The following PCSK4 variants were observed in gnomAD, a reference collection of about 807,000 sequenced individuals.
PCSK4 encodes the protein testicular tissue protein Li 135.
In PCSK4, 64 loss-of-function variants were observed where a neutral mutation model predicts 80.3. That is an observed-to-expected ratio of 0.80 (90% confidence interval 0.65 to 0.98). PCSK4 has a LOEUF of 0.98. PCSK4 is among the 50% of genes least tolerant of loss of function. PCSK4 has a pLI of 0.00. For missense variants in PCSK4, 1,213 were observed against 1,093.6 expected (o/e 1.11, Z -1.54); for synonymous variants, 561 against 487.6 (o/e 1.15, Z -1.98).
At chr19:1,483,969 G>C in intron 9 of PCSK4, 28 bp from the exon 10 acceptor site, 1 of 1,430,362 alleles carries the variant, frequency 7.0e-7, no homozygotes, top group Non-Finnish European at 9.2e-7. Flanking sequence ...GGGGGCGGGT[G>C]AGCCGCCGGG....
intron 13 of PCSK4, 120 bp from the exon 14 acceptor site, chr19:1,482,595 T>G: frequency 1.6e-6 from 2 of 1,251,294 alleles, no homozygotes; most frequent in South Asian, 2.9e-5. Context: ...GGTTCACATC[T>G]CTCAGGGAAT....
intron 8 of PCSK4, 151 bp downstream of exon 8, chr19:1,486,702 G>A (rs2084635003): frequency 1.5e-6 from 1 of 671,050 alleles, no homozygotes; most frequent in African/African-American, 1.8e-5. Flanking sequence ...AAAGTGCTGG[G>A]ATTACAGGTG....
At chr19:1,484,803 ACTC>A (rs1310319466) in intron 8 of PCSK4, among the ~76,000 whole-genome samples, 2 of 151,864 alleles carry the variant, frequency 1.3e-5, no homozygotes, top group Non-Finnish European at 2.9e-5. Flanking sequence ...ACATGGCAAG[ACTC>A]CATCTCAAAA....
In PCSK4 at chr19:1,487,864, G is replaced by A; in HGVS notation, c.517-3C>T. On this transcript the variant is annotated splice_region_variant and splice_polypyrimidine_tract_variant and intron_variant, in intron 4 of 14. Transcript: ENST00000300954. ...AAGTCATAGCTGGCCAGGGGGTCCTGGGGGCAGGTGGGGATATGAGGGGGC... is the reference window on the plus strand; with the variant it reads ...AAGTCATAGCTGGCCAGGGGGTCCTAGGGGCAGGTGGGGATATGAGGGGGC... 6.5e-7 allele frequency: 1 copy of A among 1,542,674 alleles called. No homozygotes were observed. The highest frequency in any genetic ancestry group is 8.8e-7 in the Non-Finnish European group (1 of 1,138,322).
intron 8 of PCSK4, among the ~76,000 whole-genome samples, chr19:1,484,492 TA>T (rs112354021): frequency 1.8e-3 from 231 of 125,210 alleles, no homozygotes; most frequent in Middle Eastern, 5.9e-3. Context: ...GACTCTGGAT[TA>T]AAAAAAAAAA....
exon 6 of PCSK4, chr19:1,487,625 G>T: frequency 6.4e-7 from 1 of 1,552,850 alleles, no homozygotes; most frequent in East Asian, 2.4e-5. Flanking sequence ...CGTTGAAAGC[G>T]ACCCCCACAC....
At position 1,483,651 on chromosome 19, in the gene PCSK4, TG is replaced by T; in HGVS notation, c.1389del (p.Thr464ProfsTer6). ...CGGAGGGGCGCGCAGGGGTCTCACG[TG>T]GGGCGGCTCTGGACCCGGACGGCGC... is the stretch of plus-strand genomic sequence containing the variant. On this transcript the variant is annotated frameshift_variant and splice_region_variant, in exon 11 of 15. Coordinates refer to ENST00000300954, the Ensembl canonical transcript of PCSK4. LOFTEE classifies it high-confidence loss of function. The T allele has an allele frequency of 6.3e-7, 1 of 1,584,824 alleles. No individual in the cohort carries two copies. The highest frequency in any genetic ancestry group is 1.1e-5 in the South Asian group (1 of 89,262).
chr19:1,489,928 G>A, intron 1 of PCSK4, 31 bp from the exon 2 acceptor site: 1 of 1,576,832 alleles, frequency 6.3e-7, no homozygotes, highest in Non-Finnish European at 8.6e-7. Context: ...CCGCACCGAT[G>A]GGACCCGGCT....
chr19:1,483,321 T>C, exon 12 of PCSK4: 9 of 1,609,044 alleles, frequency 5.6e-6, no homozygotes, highest in Non-Finnish European at 7.6e-6. Flanking sequence ...CCCATGGGGC[T>C]GGTGAGCGAG....
At chr19:1,489,536 C>T in intron 2 of PCSK4, 1 of 548,230 alleles carries the variant, frequency 1.8e-6, no homozygotes, top group Non-Finnish European at 3.2e-6. Context: ...CCCTCCTTAC[C>T]AGAGCCCCTG....
chr19:1,487,297 G>A lies in PCSK4; in HGVS notation c.699C>T (p.Asp233=), dbSNP rs758040601. The change falls in exon 7 of 15, where the codon GAC becomes GAT. Residue 233 remains aspartate, a synonymous_variant. Coordinates refer to ENST00000300954, the Ensembl canonical transcript of PCSK4. ...CCTCGATGACATCGGTGATGGTACC[G>A]TCCAGCATCCGTACGCCTGCAGAGC... 2.9e-5 allele frequency: 47 copies of A among 1,593,896 alleles called. 1 individual carries two copies. The South Asian group carries it at 3.4e-4, about 12-fold the overall frequency.
intron 8 of PCSK4, among the ~76,000 whole-genome samples, chr19:1,485,848 A>G (rs1045077795): frequency 3.3e-5 from 5 of 151,994 alleles, no homozygotes; most frequent in African/African-American, 4.8e-5. Flanking sequence ...TCCAGCCTGG[A>G]CGACAGAGCC....
chr19:1,487,755 T>TC (rs753274564), intron 5 of PCSK4, 30 bp downstream of exon 5: 21 of 1,550,488 alleles, frequency 1.4e-5, no homozygotes, highest in Middle Eastern at 1.7e-4. Context: ...TACTGGGGCT[T>TC]CCCCCGTGTG....
exon 1 of PCSK4, chr19:1,490,337 C>A (rs1253947017): frequency 7.8e-7 from 1 of 1,285,712 alleles, no homozygotes; most frequent in Admixed American, 2.5e-5. Context: ...GCAATCGGGG[C>A]GGGCCGCATG....
At chr19:1,481,599 C>T (rs1599187607) in exon 15 of PCSK4, 2 of 513,460 alleles carry the variant, frequency 3.9e-6, no homozygotes, top group Non-Finnish European at 6.8e-6. Context: ...CTCTCTCTCT[C>T]TCTCCCGCCA....
chr19:1,483,520 G>A (rs2145340166), intron 11 of PCSK4, 57 bp from the exon 12 acceptor site: 1 of 1,364,924 alleles, frequency 7.3e-7, no homozygotes, highest in Non-Finnish European at 1.0e-6. Context: ...TGGGTGGGCG[G>A]CCAGCAGGCG....
chr19:1,487,521 G>T, intron 6 of PCSK4, 82 bp downstream of exon 6: 1 of 1,271,090 alleles, frequency 7.9e-7, no homozygotes, highest in Non-Finnish European at 1.1e-6. Context: ...GTGGGCTCCC[G>T]AGTCCTTGGG....
Position 1,483,679 on chromosome 19 carries a change from C to CT in PCSK4, c.1361dup (p.Cys455ValfsTer77), listed in dbSNP as rs2084438275. 18 of 1,596,174 alleles carry CT rather than the reference C, an allele frequency of 1.1e-5. No homozygotes were observed. Among genetic ancestry groups the CT allele is most frequent in the Non-Finnish European group, 1.5e-5 (18 of 1,177,942 alleles). On this transcript the variant is annotated frameshift_variant, in exon 11 of 15. Coordinates refer to ENST00000300954, the Ensembl canonical transcript of PCSK4. LOFTEE classifies it high-confidence loss of function. ...GGCGGCTCTGGACCCGGACGGCGCA[C>CT]TTCCTCTGCGGCTGGGTGGGCAGCC...
exon 11 of PCSK4, chr19:1,483,722 A>ACCAGCAGCCCGGCGT: frequency 1.9e-6 from 3 of 1,595,658 alleles, no homozygotes; most frequent in South Asian, 1.1e-5. Context: ...GGCGGTGTCC[A>ACCAGCAGCCCGGCGT]CCAGCAGCCC....
Sources: gnomAD v4.1 joint callset for allele counts (sites outside exome capture counted in the v4.1 genomes callset) on GRCh38, gnomAD v4.1.1 for gene constraint, MANE v1.5 for transcripts, NCBI Gene and HGNC (gene_info 2026-07-23, HGNC 2026-07-21) for gene names.